Variants in RTN4RL1 observed in about 807,000 individuals in gnomAD.
RTN4RL1 encodes the protein reticulon-4 receptor-like 1.
Under a neutral mutation model 25.6 loss-of-function variants are expected in RTN4RL1, and 7 were observed. The observed-to-expected ratio is 0.27, with a 90% CI of 0.16 to 0.51. RTN4RL1 has a LOEUF of 0.51. Ranked by LOEUF, RTN4RL1 falls within the 20% of genes least tolerant of loss-of-function variation. The pLI, the probability that RTN4RL1 is intolerant of heterozygous loss-of-function variation, is 0.97. For synonymous variants in RTN4RL1, 297 were observed against 288.2 expected, an observed-to-expected ratio of 1.03 and a Z score of -0.31; for missense variants, 500 against 615.6, an observed-to-expected ratio of 0.81 and a Z score of 1.99.
intron 1 of RTN4RL1, among the ~76,000 whole-genome samples, chr17:1,971,130 T>C (rs2066816815): frequency 6.6e-6 from 1 of 152,144 alleles, no homozygotes; most frequent in African/African-American, 2.4e-5. Flanking sequence ...GTAATCTCCA[T>C]GTGTCGAAGG....
At chr17:2,002,173 G>A (rs1370340041) in intron 1 of RTN4RL1, among the ~76,000 whole-genome samples, 2 of 151,812 alleles carry the variant, frequency 1.3e-5, no homozygotes, top group South Asian at 2.1e-4. Flanking sequence ...ACACTGCAGC[G>A]GTATTTCTGC....
intron 1 of RTN4RL1, among the ~76,000 whole-genome samples, chr17:1,995,398 C>G (rs2066924994): frequency 6.7e-6 from 1 of 150,270 alleles, no homozygotes; most frequent in African/African-American, 2.5e-5. Context: ...TGCACTACAG[C>G]CTGGGTGACA....
chr17:1,937,843 C>T (rs1488566764), intron 1 of RTN4RL1, 35 bp from the exon 2 acceptor site: 4 of 1,510,220 alleles, frequency 2.6e-6, no homozygotes, highest in Non-Finnish European at 3.6e-6. Context: ...AGGTCAGGGG[C>T]CGTGCAGGTG....
chr17:1,973,396 G>A (rs2066828974), intron 1 of RTN4RL1, among the ~76,000 whole-genome samples: 1 of 151,640 alleles, frequency 6.6e-6, no homozygotes, highest in African/African-American at 2.4e-5. Flanking sequence ...TCTGGGTGGG[G>A]TGGTTCACAC....
At chr17:1,967,315 G>T (rs150068192) in intron 1 of RTN4RL1, among the ~76,000 whole-genome samples, 1 of 152,140 alleles carries the variant, frequency 6.6e-6, no homozygotes, top group South Asian at 2.1e-4. Flanking sequence ...CATGGATTCC[G>T]CCGGAGGCCA....
chr17:2,014,473 A>AG (rs2067093270), intron 1 of RTN4RL1, among the ~76,000 whole-genome samples: 1 of 152,202 alleles, frequency 6.6e-6, no homozygotes, highest in Non-Finnish European at 1.5e-5. Flanking sequence ...ATGGGAGTGC[A>AG]GGGGAAGCAG....
At chr17:2,001,949 T>TG (rs986437266) in intron 1 of RTN4RL1, among the ~76,000 whole-genome samples, 199 of 81,528 alleles carry the variant, frequency 2.4e-3, no homozygotes, top group African/African-American at 8.7e-3. Flanking sequence ...GGGGAGGGAG[T>TG]GGGGGGAGCT....
intron 1 of RTN4RL1, among the ~76,000 whole-genome samples, chr17:2,023,403 A>G (rs2067234677): frequency 6.6e-6 from 1 of 152,196 alleles, no homozygotes. Context: ...AAACTCTTCC[A>G]TACCACAGCG....
At chr17:1,973,913 C>T (rs532916685) in intron 1 of RTN4RL1, among the ~76,000 whole-genome samples, 4 of 152,130 alleles carry the variant, frequency 2.6e-5, no homozygotes, top group African/African-American at 9.6e-5. Context: ...GTAGTGTACA[C>T]CTGTAATCCC....
At chr17:1,953,103 AAAT>A (rs1354546461) in intron 1 of RTN4RL1, among the ~76,000 whole-genome samples, 1 of 151,214 alleles carries the variant, frequency 6.6e-6, no homozygotes, top group Non-Finnish European at 1.5e-5. Flanking sequence ...TAAAATAAAT[AAAT>A]ATTAAAAAAT....
At chr17:1,992,303 G>A (rs1453672617) in intron 1 of RTN4RL1, among the ~76,000 whole-genome samples, 1 of 148,398 alleles carries the variant, frequency 6.7e-6, no homozygotes, top group South Asian at 2.1e-4. Flanking sequence ...AGGTTGCAGT[G>A]AGCCAAGATC....
At chr17:2,011,875 A>C (rs2067053996) in intron 1 of RTN4RL1, among the ~76,000 whole-genome samples, 1 of 151,990 alleles carries the variant, frequency 6.6e-6, no homozygotes, top group Non-Finnish European at 1.5e-5. Context: ...CATTCTCTTG[A>C]GCATAGCCCA....
chr17:1,963,606 C>T (rs112129374), intron 1 of RTN4RL1, among the ~76,000 whole-genome samples: 1,751 of 152,332 alleles, frequency 0.011, 30 homozygotes, highest in African/African-American at 0.039. Flanking sequence ...AGGATCAGAG[C>T]GGATTTTGAG....
intron 1 of RTN4RL1, among the ~76,000 whole-genome samples, chr17:1,981,846 C>T (rs895682679): frequency 9.2e-5 from 14 of 152,250 alleles, no homozygotes; most frequent in African/African-American, 3.4e-4. Context: ...GACCATTTCA[C>T]TGTGCAAACA....
chr17:2,011,379 G>T (rs1344076950), intron 1 of RTN4RL1, among the ~76,000 whole-genome samples: 1 of 152,236 alleles, frequency 6.6e-6, no homozygotes, highest in African/African-American at 2.4e-5. Context: ...CGGTGATCAT[G>T]GTCTGTAACA....
intron 1 of RTN4RL1, among the ~76,000 whole-genome samples, chr17:2,013,484 C>T (rs12450831): frequency 6.6e-6 from 1 of 151,540 alleles, no homozygotes; most frequent in African/African-American, 2.4e-5. Context: ...AGCAGGCCAA[C>T]TGTGCTGGGA....
At chr17:1,950,403 C>T (rs973654579) in intron 1 of RTN4RL1, among the ~76,000 whole-genome samples, 14 of 152,230 alleles carry the variant, frequency 9.2e-5, no homozygotes, top group Admixed American at 5.9e-4. Context: ...ACAGGAAAAC[C>T]GGCTCAGGGC....
At position 1,936,443 on chromosome 17, in the gene RTN4RL1, A is replaced by G; in HGVS notation, c.*53T>C. On this transcript the variant is annotated 3_prime_UTR_variant, in exon 2 of 2. Transcript: ENST00000331238. ...ACTTGTTAAAAAAAGAAGAAAATAA[A>G]TTCTGTTCCTTGGTGGACATGTGGC... 6.7e-7 allele frequency: 1 copy of G among 1,485,762 alleles called. No individual in the cohort carries two copies. Among genetic ancestry groups the G allele is most frequent in the Non-Finnish European group, 8.9e-7 (1 of 1,127,354 alleles). 92.0% of individuals were successfully genotyped at this position (1,485,762 alleles called of 1,614,324 possible). A position where few individuals can be genotyped will look rare whatever the true frequency, so the allele number is the denominator to read the frequency against.
chr17:1,971,744 C>T (rs996446325), intron 1 of RTN4RL1, among the ~76,000 whole-genome samples: 9 of 151,788 alleles, frequency 5.9e-5, no homozygotes, highest in Non-Finnish European at 8.8e-5. Context: ...GGGTGGATCA[C>T]GAGGTCAGGA....
Sources: allele counts gnomAD v4.1 joint callset (sites outside exome capture counted in the v4.1 genomes callset), GRCh38; gene constraint gnomAD v4.1.1; transcripts MANE v1.5; gene names NCBI Gene and HGNC (gene_info 2026-07-23, HGNC 2026-07-21).